The following EYS variants were observed in gnomAD, a reference collection of about 807,000 sequenced individuals.
EYS encodes the protein protein eyes shut homolog.
A neutral mutation model predicts 282.1 loss-of-function variants in EYS; 250 were observed. That is an observed-to-expected ratio of 0.89 (90% confidence interval 0.80 to 0.98). The LOEUF (loss-of-function observed/expected upper bound fraction) is 0.98. EYS is among the 50% of genes least tolerant of loss of function. EYS has a pLI of 0.00. For missense variants in EYS, 4,016 were observed against 3,709.0 expected (o/e 1.08, Z -2.15); for synonymous variants, 1,355 against 1,282.9 (o/e 1.06, Z -1.20).
At chr6:65,585,819 C>T (rs1041620867) in intron 2 of EYS, among the ~76,000 whole-genome samples, 1 of 151,664 alleles carries the variant, frequency 6.6e-6, no homozygotes, top group Non-Finnish European at 1.5e-5. Flanking sequence ...GTTGTAAGAG[C>T]TAAAATAAAA....
intron 12 of EYS, among the ~76,000 whole-genome samples, chr6:65,286,763 C>A (rs983800333): frequency 6.6e-6 from 1 of 151,608 alleles, no homozygotes; most frequent in African/African-American, 2.4e-5. Context: ...AAATTAAAAA[C>A]CCACACTTTA....
chr6:64,011,254 A>T (rs1768610280), intron 33 of EYS, among the ~76,000 whole-genome samples: 1 of 152,168 alleles, frequency 6.6e-6, no homozygotes. Context: ...GCTAGCACAT[A>T]AAAGTGTGAA....
chr6:65,039,274 T>C (rs1772860848), intron 13 of EYS, among the ~76,000 whole-genome samples: 1 of 151,658 alleles, frequency 6.6e-6, no homozygotes, highest in Admixed American at 6.6e-5. Context: ...TTTTATTTTC[T>C]TATTGAATTG....
At chr6:64,744,472 A>G (rs893241477) in intron 22 of EYS, among the ~76,000 whole-genome samples, 7 of 152,150 alleles carry the variant, frequency 4.6e-5, no homozygotes, top group African/African-American at 1.7e-4. Context: ...CTCCTCTCAC[A>G]TGTTCCTAGC....
chr6:65,404,289 A>G (rs993609949), intron 6 of EYS, among the ~76,000 whole-genome samples: 1 of 152,118 alleles, frequency 6.6e-6, no homozygotes, highest in African/African-American at 2.4e-5. Context: ...ATAATCCAAG[A>G]TAACATCAGC....
At chr6:65,051,102 CATTCTT>C (rs767492187) in intron 13 of EYS, among the ~76,000 whole-genome samples, 2 of 151,576 alleles carry the variant, frequency 1.3e-5, no homozygotes, top group Non-Finnish European at 3.0e-5. Context: ...AGCAGAATGA[CATTCTT>C]ATTAAGTACT....
intron 5 of EYS, among the ~76,000 whole-genome samples, chr6:65,416,253 CAT>C: frequency 6.6e-6 from 1 of 152,026 alleles, no homozygotes; most frequent in African/African-American, 2.4e-5. Flanking sequence ...ACAAAAAATA[CAT>C]AGTGTGGGTT....
intron 31 of EYS, among the ~76,000 whole-genome samples, chr6:64,154,945 C>T (rs2150297056): frequency 6.6e-6 from 1 of 152,212 alleles, no homozygotes; most frequent in African/African-American, 2.4e-5. Flanking sequence ...CCAATCACAG[C>T]CACCTATTTT....
intron 14 of EYS, among the ~76,000 whole-genome samples, chr6:64,982,330 G>A (rs765462537): frequency 4.6e-5 from 7 of 151,284 alleles, no homozygotes; most frequent in Non-Finnish European, 8.9e-5. Context: ...GTGTATTCGT[G>A]AATCAATTAT....
chr6:65,493,776 C>T (rs1255325227), intron 4 of EYS, among the ~76,000 whole-genome samples: 1 of 152,050 alleles, frequency 6.6e-6, no homozygotes, highest in Non-Finnish European at 1.5e-5. Flanking sequence ...TTATTACAAC[C>T]GTTATTAATT....
At position 64,822,657 on chromosome 6, in the gene EYS, T is replaced by C. The variant is rs1764934471; in HGVS notation, c.3158A>G (p.His1053Arg). 6.5e-7 allele frequency: 1 copy of C among 1,536,976 alleles called. No individual in the cohort carries two copies. Among genetic ancestry groups the C allele is most frequent in the East Asian group, 2.5e-5 (1 of 40,500 alleles). ...ANDCLSNPCL[H>R]GRCTELINEY... ...TAATAAAAAAAATAGCTACCTTCCATGTAGACAAGGATTTGAAAGGCAATC... is the reference window on the plus strand; with the variant it reads ...TAATAAAAAAAATAGCTACCTTCCACGTAGACAAGGATTTGAAAGGCAATC... Residue 1053 changes from histidine to arginine, a missense_variant, in exon 20 of 43, where the codon CAT becomes CGT. Physicochemically the swap from His to Arg is conservative, Grantham distance 29. Transcript: ENST00000503581.
intron 30 of EYS, among the ~76,000 whole-genome samples, chr6:64,250,183 C>T (rs905760574): frequency 6.6e-6 from 1 of 152,088 alleles, no homozygotes; most frequent in Non-Finnish European, 1.5e-5. Context: ...TTATTTTGAC[C>T]TTTTAAAAAT....
chr6:64,032,272 AG>A (rs1223846694), intron 33 of EYS, among the ~76,000 whole-genome samples: 2 of 152,326 alleles, frequency 1.3e-5, no homozygotes, highest in Admixed American at 6.5e-5. Flanking sequence ...ACTCACCGCG[AG>A]GGTCCACGGC....
At chr6:64,681,349 G>C (rs1179325094) in intron 22 of EYS, among the ~76,000 whole-genome samples, 2 of 152,108 alleles carry the variant, frequency 1.3e-5, no homozygotes, top group African/African-American at 2.4e-5. Flanking sequence ...TGGGTTGCTA[G>C]AGATCAAGTA....
intron 26 of EYS, among the ~76,000 whole-genome samples, chr6:64,449,304 G>GA (rs981620700): frequency 4.7e-5 from 7 of 150,500 alleles, no homozygotes; most frequent in Non-Finnish European, 4.4e-5. Context: ...AAAGGTTAGA[G>GA]AAAAAAAAAT....
chr6:64,794,624 G>T (rs779857216), intron 22 of EYS, among the ~76,000 whole-genome samples: 3 of 152,112 alleles, frequency 2.0e-5, no homozygotes, highest in South Asian at 2.1e-4. Flanking sequence ...TCTCTGGTAT[G>T]TCTTCATAGT....
chr6:63,972,540 T>A (rs1766626637), intron 35 of EYS, among the ~76,000 whole-genome samples: 1 of 152,160 alleles, frequency 6.6e-6, no homozygotes, highest in African/African-American at 2.4e-5. Context: ...AGAGAACTAA[T>A]CTTTTTTTTT....
At chr6:64,422,766 A>T (rs1038573007) in intron 28 of EYS, among the ~76,000 whole-genome samples, 1 of 152,156 alleles carries the variant, frequency 6.6e-6, no homozygotes, top group Non-Finnish European at 1.5e-5. Context: ...GTCTATGTTA[A>T]TCTTGTGCTA....
chr6:64,498,510 G>A (rs1292148281), intron 26 of EYS, among the ~76,000 whole-genome samples: 1 of 151,604 alleles, frequency 6.6e-6, no homozygotes, highest in Non-Finnish European at 1.5e-5. Context: ...GAACATGCAG[G>A]TTTGTTACAT....
Sources: gnomAD v4.1 joint callset for allele counts (sites outside exome capture counted in the v4.1 genomes callset) on GRCh38, gnomAD v4.1.1 for gene constraint, MANE v1.5 for transcripts, NCBI Gene and HGNC (gene_info 2026-07-23, HGNC 2026-07-21) for gene names.